PAM: variants seen among roughly 807,000 people sequenced by gnomAD.
The protein encoded by PAM is peptidyl-glycine alpha-amidating monooxygenase.
Under a neutral mutation model 122.1 loss-of-function variants are expected in PAM, and 72 were observed. That is an observed-to-expected ratio of 0.59 (90% CI 0.49 to 0.72). The LOEUF (loss-of-function observed/expected upper bound fraction) is 0.72. PAM is among the 30% of genes least tolerant of loss of function. The pLI, the probability that PAM is intolerant of heterozygous loss-of-function variation, is 0.00. For synonymous variants in PAM, 389 were observed against 404.4 expected (o/e 0.96, Z 0.46); for missense variants, 1,106 against 1,183.7 (o/e 0.93, Z 0.96).
chr5:103,003,010 C>G (rs745947530), intron 16 of PAM, 23 bp from the exon 17 acceptor site: 1 of 1,020,220 alleles, frequency 9.8e-7, no homozygotes, highest in African/African-American at 1.6e-5. Context: ...TGTTTCATGT[C>G]CTATTTAATG....
At chr5:103,011,355 TACACACACACACAAACACACACTCACAC>T (rs1780555400) in intron 21 of PAM, among the ~76,000 whole-genome samples, 1 of 147,472 alleles carries the variant, frequency 6.8e-6, no homozygotes, top group Non-Finnish European at 1.5e-5. Context: ...CACACACACA[TACACACACACACAAACACACACTCACAC>T]ACACACACAC....
rs540041583 is a variant in PAM, at chr5:103,002,447, G to A, written c.1614-586G>A. ...TATTTGGTAAGTTTTATGCCTCTAA[G>A]CATATTTTTGTCTCGAGGATAGATT... is the stretch of plus-strand genomic sequence containing the variant. On this transcript the variant is annotated intron_variant, in intron 16 of 25. Transcript: ENST00000438793. 1.4e-4 allele frequency among the ~76,000 whole-genome samples: 21 copies of A among 152,092 alleles called. No individual in the cohort carries two copies. In the South Asian group the frequency reaches 3.5e-3, roughly 26 times the overall value.
chr5:102,757,860 C>A (rs912919213), intron 1 of PAM, among the ~76,000 whole-genome samples: 2 of 151,334 alleles, frequency 1.3e-5, no homozygotes, highest in Admixed American at 1.3e-4. Context: ...CATAGTGAGA[C>A]CTTCTCTCTA....
intron 1 of PAM, among the ~76,000 whole-genome samples, chr5:102,759,720 A>G (rs1751768349): frequency 6.6e-6 from 1 of 152,202 alleles, no homozygotes; most frequent in Admixed American, 6.5e-5. Context: ...ATGTGGCTAA[A>G]GGCATAAACC....
In PAM at chr5:103,019,144, G is replaced by T. The variant is rs1234954606; in HGVS notation, c.2432-646G>T. Among the ~76,000 whole-genome samples the T allele has an allele frequency of 3.9e-5, 6 of 152,234 alleles. No homozygotes were observed. In the East Asian group the frequency reaches 7.7e-4, roughly 20 times the overall value. Reference sequence around the variant, plus strand: ...GATGCATGTCAGATTTACCTACGGGGGGGGACTGTTACAATACACATGGCC... The same window carrying T: ...GATGCATGTCAGATTTACCTACGGGTGGGGACTGTTACAATACACATGGCC... On this transcript the variant is annotated intron_variant, in intron 22 of 25. Coordinates refer to ENST00000438793, the MANE Select transcript of PAM (RefSeq NM_001177306.2).
At position 102,959,933 on chromosome 5, in the gene PAM, C is replaced by T. The variant is rs1761955160; in HGVS notation, c.964C>T (p.His322Tyr). 6.2e-7 allele frequency: 1 copy of T among 1,612,008 alleles called. No homozygotes were observed. Among genetic ancestry groups the T allele is most frequent in the South Asian group, 1.1e-5 (1 of 91,020 alleles). ...CATTATGTATTACATGGAAGCCAAG[C>T]ATGCAGTTTCTTTCATGACCTGTAC... ...LYIMYYMEAKHAVSFMTCTQN... is the reference protein window; with the variant it reads ...LYIMYYMEAKYAVSFMTCTQN... The change falls in exon 13 of 26, where the codon CAT becomes TAT. Residue 322 changes from histidine (H) to tyrosine (Y), a missense_variant. Physicochemically the swap from His to Tyr is moderately conservative, Grantham distance 83. This residue lies in a region of PAM where 670 missense variants were observed against 690.3 expected (regional missense o/e 0.97). Transcript: ENST00000438793.
intron 14 of PAM, among the ~76,000 whole-genome samples, chr5:102,965,561 T>G (rs1390345749): frequency 6.6e-6 from 1 of 152,016 alleles, no homozygotes; most frequent in African/African-American, 2.4e-5. Flanking sequence ...CTTGTTATTA[T>G]GTATTATGCT....
intron 8 of PAM, among the ~76,000 whole-genome samples, chr5:102,948,112 C>A (rs187800534): frequency 3.9e-5 from 6 of 152,182 alleles, no homozygotes; most frequent in African/African-American, 1.4e-4. Context: ...AATCACCTAC[C>A]CAGCAACACC....
chr5:102,900,260 G>A (rs570126675), intron 3 of PAM, among the ~76,000 whole-genome samples: 4 of 119,502 alleles, frequency 3.3e-5, no homozygotes, highest in African/African-American at 1.3e-4. Context: ...TGTGTGGGGG[G>A]GGGGCGGGGG....
At chr5:102,856,461 G>C (rs1186404504) in intron 1 of PAM, among the ~76,000 whole-genome samples, 1 of 152,144 alleles carries the variant, frequency 6.6e-6, no homozygotes, top group Non-Finnish European at 1.5e-5. Flanking sequence ...TCAGTCTTTA[G>C]AGTAAAAAGA....
At chr5:103,015,109 G>A (rs575268771) in intron 21 of PAM, among the ~76,000 whole-genome samples, 1 of 152,274 alleles carries the variant, frequency 6.6e-6, no homozygotes, top group East Asian at 1.9e-4. Flanking sequence ...CAAGCTACAT[G>A]GAGTAGCATA....
intron 15 of PAM, among the ~76,000 whole-genome samples, chr5:102,985,094 G>A (rs1394193290): frequency 1.3e-5 from 2 of 151,982 alleles, no homozygotes; most frequent in African/African-American, 4.8e-5. Flanking sequence ...GTGCTAAGAG[G>A]GGAGTTTGTA....
At chr5:102,846,228 A>G (rs910023545) in intron 1 of PAM, among the ~76,000 whole-genome samples, 4 of 152,128 alleles carry the variant, frequency 2.6e-5, no homozygotes, top group Non-Finnish European at 5.9e-5. Context: ...CTTCCATTTC[A>G]GCCTCCAGGT....
chr5:102,859,335 A>AGT (rs57728525), intron 1 of PAM, among the ~76,000 whole-genome samples: 9,320 of 142,284 alleles, frequency 0.066, 321 homozygotes, highest in African/African-American at 0.1. Context: ...GGCCCAGGCT[A>AGT]GTGTGTGTGT....
At chr5:102,774,736 T>G (rs1561408738) in intron 1 of PAM, among the ~76,000 whole-genome samples, 2 of 152,122 alleles carry the variant, frequency 1.3e-5, no homozygotes, top group Non-Finnish European at 2.9e-5. Context: ...TTTATAAAGG[T>G]TATCAACCCA....
intron 1 of PAM, among the ~76,000 whole-genome samples, chr5:102,826,407 G>A (rs942226910): frequency 1.3e-5 from 2 of 152,076 alleles, no homozygotes; most frequent in African/African-American, 4.8e-5. Context: ...ATTTGCTATC[G>A]CTAATAACAA....
At chr5:102,880,582 A>G (rs1365087382) in intron 3 of PAM, among the ~76,000 whole-genome samples, 1 of 152,134 alleles carries the variant, frequency 6.6e-6, no homozygotes, top group Non-Finnish European at 1.5e-5. Flanking sequence ...AATCCCTGGA[A>G]CAAGGAGAAG....
At chr5:102,818,455 G>T (rs1328064083) in intron 1 of PAM, among the ~76,000 whole-genome samples, 1 of 151,726 alleles carries the variant, frequency 6.6e-6, no homozygotes, top group Non-Finnish European at 1.5e-5. Context: ...CTGTCAAATG[G>T]TTAAACCTAT....
At chr5:102,807,992 C>G (rs1766692589) in intron 1 of PAM, 1 of 152,190 alleles carries the variant, frequency 6.6e-6, no homozygotes. Context: ...TCCTACTTAG[C>G]AAATCCAAGC....
Sources: allele counts gnomAD v4.1 joint callset (sites outside exome capture counted in the v4.1 genomes callset), GRCh38; gene constraint gnomAD v4.1.1; regional missense constraint gnomAD v4.1.1; transcripts MANE v1.5; gene names NCBI Gene and HGNC (gene_info 2026-07-23, HGNC 2026-07-21).